NLGN1: variants seen among roughly 807,000 people sequenced by gnomAD.
NLGN1 encodes the protein neuroligin 1, also known as neuroligin-1.
In NLGN1, 12 loss-of-function variants were observed where a neutral mutation model predicts 65.5. The observed-to-expected ratio is 0.18, with a 90% CI of 0.12 to 0.30. The LOEUF (loss-of-function observed/expected upper bound fraction) is 0.30, where lower values mean the gene tolerates loss of function less well. Among genes scored for constraint, NLGN1 ranks in the 10% least tolerant of loss-of-function variants. NLGN1 has a pLI of 1.00. For synonymous variants in NLGN1, 350 were observed against 359.5 expected (o/e 0.97, Z 0.30); for missense variants, 750 against 1,007.1 (o/e 0.74, Z 3.46).
chr3:173,491,885 A>G (rs1315556033), intron 2 of NLGN1, among the ~76,000 whole-genome samples: 1 of 151,728 alleles, frequency 6.6e-6, no homozygotes, highest in East Asian at 1.9e-4. Flanking sequence ...CCCCTGAACT[A>G]TGCCATTAAT....
At chr3:173,555,853 G>GA (rs986785938) in intron 2 of NLGN1, among the ~76,000 whole-genome samples, 16 of 151,996 alleles carry the variant, frequency 1.1e-4, no homozygotes, top group African/African-American at 3.1e-4. Flanking sequence ...TATGTTATCT[G>GA]AAAAAATGCT....
intron 4 of NLGN1, among the ~76,000 whole-genome samples, chr3:174,146,413 G>A (rs1037955006): frequency 6.6e-6 from 1 of 152,022 alleles, no homozygotes; most frequent in Non-Finnish European, 1.5e-5. Flanking sequence ...ATAAGATAAA[G>A]TATATAATCA....
At chr3:173,993,932 A>ATG (rs1721695302) in intron 4 of NLGN1, among the ~76,000 whole-genome samples, 1 of 151,674 alleles carries the variant, frequency 6.6e-6, no homozygotes, top group Non-Finnish European at 1.5e-5. Context: ...GTGTGTGTGT[A>ATG]TGTGTGTATA....
intron 3 of NLGN1, among the ~76,000 whole-genome samples, chr3:173,733,985 A>G (rs2150070392): frequency 6.6e-6 from 1 of 152,244 alleles, no homozygotes; most frequent in African/African-American, 2.4e-5. Context: ...ATCAAATGAC[A>G]AAAGATATAA....
chr3:173,465,303 G>C lies in NLGN1; in HGVS notation c.-321+30225G>C, dbSNP rs373354676. ...ACACCCAAATGAGCAATCCACTTTAGTTGTTGCTGAGAACTTCTTGGAGGA... is the reference window on the plus strand; with the variant it reads ...ACACCCAAATGAGCAATCCACTTTACTTGTTGCTGAGAACTTCTTGGAGGA... On this transcript the variant is annotated intron_variant, in intron 2 of 6. Coordinates refer to ENST00000457714, the Ensembl canonical transcript of NLGN1. 1.4e-4 allele frequency among the ~76,000 whole-genome samples: 21 copies of C among 152,268 alleles called. No individual in the cohort carries two copies. In the East Asian group the frequency reaches 1.7e-3, roughly 13 times the overall value.
intron 4 of NLGN1, among the ~76,000 whole-genome samples, chr3:174,148,724 C>G (rs995251936): frequency 3.3e-5 from 5 of 152,122 alleles, no homozygotes; most frequent in Non-Finnish European, 7.4e-5. Context: ...CATTAAGGCT[C>G]TATAATAACT....
chr3:174,107,015 CACAGAGAG>C (rs1333763623), intron 4 of NLGN1, among the ~76,000 whole-genome samples: 2,177 of 65,318 alleles, frequency 0.033, 12 homozygotes, highest in East Asian at 0.055. Flanking sequence ...CACACACACA[CACAGAGAG>C]AGAGAGAGAG....
chr3:173,943,993 G>A (rs1472292096), intron 4 of NLGN1, among the ~76,000 whole-genome samples: 1 of 152,122 alleles, frequency 6.6e-6, no homozygotes, highest in East Asian at 1.9e-4. Flanking sequence ...CAGATAATGA[G>A]TGACTATTTG....
chr3:174,110,508 A>G (rs1420568948), intron 4 of NLGN1, among the ~76,000 whole-genome samples: 1 of 151,990 alleles, frequency 6.6e-6, no homozygotes, highest in East Asian at 1.9e-4. Context: ...TAACTCTTCA[A>G]GCATTTTCGT....
chr3:173,888,755 A>AT (rs531298104), intron 4 of NLGN1, among the ~76,000 whole-genome samples: 1 of 151,790 alleles, frequency 6.6e-6, no homozygotes, highest in South Asian at 2.1e-4. Context: ...ATGTATTTAC[A>AT]TTTTTTTTGA....
intron 4 of NLGN1, among the ~76,000 whole-genome samples, chr3:173,899,381 G>A (rs1404323740): frequency 1.3e-5 from 2 of 152,010 alleles, no homozygotes; most frequent in East Asian, 3.8e-4. Flanking sequence ...TTTGGAATAA[G>A]CGTAGAACAT....
rs62291330 is a variant in NLGN1, at chr3:173,518,063, T to G, written c.-321+82985T>G. Reference sequence around the variant, plus strand: ...GTATCTGTTTTTAATTTTGAAAGGTTTTACTAAGTTGTCTCATCAGAAACT... The same window carrying G: ...GTATCTGTTTTTAATTTTGAAAGGTGTTACTAAGTTGTCTCATCAGAAACT... On this transcript the variant is annotated intron_variant, in intron 2 of 6. Transcript: ENST00000457714. Among the ~76,000 whole-genome samples, 1,075 of 152,266 alleles carry G rather than the reference T, an allele frequency of 7.1e-3. 6 individuals carry two copies. The highest frequency in any genetic ancestry group is 0.017 in the Middle Eastern group (5 of 294).
chr3:173,763,302 A>G (rs1241758634), intron 3 of NLGN1, among the ~76,000 whole-genome samples: 1 of 152,108 alleles, frequency 6.6e-6, no homozygotes, highest in East Asian at 1.9e-4. Context: ...TAGAATCTAT[A>G]AATACATATT....
rs1363785108 is a variant in NLGN1, at chr3:174,167,593, C to T, written c.647-107722C>T. On this transcript the variant is annotated intron_variant, in intron 4 of 6. Coordinates refer to ENST00000457714, the Ensembl canonical transcript of NLGN1. ...GTTCCCTTTGTATGTGATCTGCCCC[C>T]TTTTTTTTTTTTTTTTAACCTAGTT... Among the ~76,000 whole-genome samples, 60 of 140,364 alleles carry T rather than the reference C, an allele frequency of 4.3e-4. 1 individual carries two copies. The highest frequency in any genetic ancestry group is 1.4e-3 in the African/African-American group (52 of 38,340). The allele number at this position is 140,364 out of a possible 152,430, so 92.1% of individuals were successfully genotyped here. A position where few individuals can be genotyped will look rare whatever the true frequency, so the allele number is the denominator to read the frequency against.
chr3:174,160,904 A>T (rs1726372342), intron 4 of NLGN1, among the ~76,000 whole-genome samples: 2 of 151,358 alleles, frequency 1.3e-5, no homozygotes, highest in African/African-American at 4.8e-5. Flanking sequence ...TGTACCCATG[A>T]ACCATACCCA....
At chr3:173,396,887 T>C (rs536321817), upstream of NLGN1, among the ~76,000 whole-genome samples, 6 of 152,248 alleles carry the variant, frequency 3.9e-5, no homozygotes, top group African/African-American at 1.4e-4. Flanking sequence ...GGAGGTATAA[T>C]CGTCTATTTG....
chr3:174,230,951 T>A (rs1375180814), intron 4 of NLGN1, among the ~76,000 whole-genome samples: 1 of 152,196 alleles, frequency 6.6e-6, no homozygotes, highest in Admixed American at 6.5e-5. Context: ...GTGACTAATT[T>A]GTTAGTCCTG....
At chr3:174,267,937 CACACAT>C (rs1389179219) in intron 4 of NLGN1, among the ~76,000 whole-genome samples, 2 of 152,034 alleles carry the variant, frequency 1.3e-5, no homozygotes, top group Non-Finnish European at 2.9e-5. Context: ...AAAGCACACA[CACACAT>C]AGTTTACAAT....
chr3:173,415,943 A>AGAGAGCGCGCGCGC (rs141095727), intron 1 of NLGN1, among the ~76,000 whole-genome samples: 1 of 142,824 alleles, frequency 7.0e-6, no homozygotes, highest in African/African-American at 2.8e-5. Context: ...AGAGAGAGAG[A>AGAGAGCGCGCGCGC]GCTTGGTATA....
Sources: gnomAD v4.1 joint callset for allele counts (sites outside exome capture counted in the v4.1 genomes callset) on GRCh38, gnomAD v4.1.1 for gene constraint, MANE v1.5 for transcripts, NCBI Gene and HGNC (gene_info 2026-07-23, HGNC 2026-07-21) for gene names.